The following PLS3 variants were observed in gnomAD, a reference collection of about 807,000 sequenced individuals.
PLS3 encodes plastin-3.
PLS3 carries 11 observed loss-of-function variants against 46.5 expected under a neutral mutation model. The ratio of observed to expected loss-of-function variants is 0.24; its 90% CI spans 0.15 to 0.39. The LOEUF (loss-of-function observed/expected upper bound fraction) is 0.39. Ranked by LOEUF, PLS3 falls within the 10% of genes least tolerant of loss-of-function variation. The pLI is 1.00. For synonymous variants in PLS3, 167 were observed against 162.2 expected (o/e 1.03, Z -0.22); for missense variants, 308 against 461.8 (o/e 0.67, Z 3.05).
At chrX:115,601,081 G>A (rs186082442) in intron 1 of PLS3, among the ~76,000 whole-genome samples, 7 of 110,571 alleles carry the variant, frequency 6.3e-5, no homozygotes, top group Admixed American at 3.9e-4. Context: ...TCTTGGGTGC[G>A]GACAATCTGA....
chrX:115,640,353 G>A (rs1345807393), intron 8 of PLS3, 55 bp from the exon 9 acceptor site: 1 of 797,134 alleles, frequency 1.3e-6, no homozygotes, highest in African/African-American at 2.0e-5. Flanking sequence ...TGGGACAATA[G>A]GATACATTCA....
At chrX:115,613,942 AT>A (rs1279504973) in intron 2 of PLS3, among the ~76,000 whole-genome samples, 2 of 107,706 alleles carry the variant, frequency 1.9e-5, no homozygotes, top group African/African-American at 3.3e-5. Context: ...GAATTTTTTT[AT>A]TTTTTTATTT....
At chrX:115,631,432 G>C (rs2074774662) in intron 5 of PLS3, among the ~76,000 whole-genome samples, 1 of 110,032 alleles carries the variant, frequency 9.1e-6, no homozygotes, top group African/African-American at 3.3e-5. Flanking sequence ...TTGGTTGTTT[G>C]AAAAGCTGAT....
At chrX:115,624,161 G>A (rs1484154434) in intron 3 of PLS3, among the ~76,000 whole-genome samples, 1 of 105,340 alleles carries the variant, frequency 9.5e-6, no homozygotes, top group Admixed American at 1.0e-4. Flanking sequence ...CCAGGGAGTC[G>A]GAGGTTGCAG....
chrX:115,584,048 C>G (rs782272272), intron 1 of PLS3, among the ~76,000 whole-genome samples: 6 of 111,727 alleles, frequency 5.4e-5, no homozygotes, highest in Non-Finnish European at 1.1e-4. Context: ...GAAGATGTAA[C>G]CACCATGTGT....
At chrX:115,614,621 T>C (rs782274187) in intron 2 of PLS3, 1 of 597,790 alleles carries the variant, frequency 1.7e-6, no homozygotes, top group Non-Finnish European at 2.0e-6. Flanking sequence ...TAATGCCTAA[T>C]GAAAGCTTGA....
intron 2 of PLS3, 37 bp from the exon 3 acceptor site, chrX:115,622,209 T>A (rs2074662704): frequency 8.8e-7 from 1 of 1,141,302 alleles, no homozygotes; most frequent in African/African-American, 1.8e-5. Flanking sequence ...TCTTTCAATT[T>A]TTTTTCCTTT....
chrX:115,593,086 T>C (rs1230933774), intron 1 of PLS3, among the ~76,000 whole-genome samples: 2 of 111,132 alleles, frequency 1.8e-5, no homozygotes, highest in Non-Finnish European at 3.8e-5. Flanking sequence ...GCATATGGGG[T>C]GTAAATGTTG....
At chrX:115,646,341 A>G (rs2147586292) in intron 12 of PLS3, 61 bp from the exon 13 acceptor site, 1 of 1,126,521 alleles carries the variant, frequency 8.9e-7, no homozygotes, top group Non-Finnish European at 1.2e-6. Flanking sequence ...CAAGACACAC[A>G]CACACGTATG....
chrX:115,603,135 G>A (rs782392781), intron 1 of PLS3, among the ~76,000 whole-genome samples: 77 of 111,496 alleles, frequency 6.9e-4, no homozygotes, highest in Non-Finnish European at 1.2e-3. Flanking sequence ...TAGGGTTTAT[G>A]TATAGTTAAA....
At chrX:115,639,254 A>G (rs782785827) in intron 8 of PLS3, among the ~76,000 whole-genome samples, 4 of 112,007 alleles carry the variant, frequency 3.6e-5, no homozygotes, top group Non-Finnish European at 7.5e-5. Context: ...ACTATTCCTT[A>G]AGAGGTAAAT....
intron 1 of PLS3, chrX:115,593,505 G>A (rs1556633400): frequency 9.0e-6 from 1 of 111,315 alleles, no homozygotes; most frequent in Non-Finnish European, 1.9e-5. Context: ...AGGAAGTGTT[G>A]TGACTTGCTC....
intron 10 of PLS3, among the ~76,000 whole-genome samples, chrX:115,644,566 C>T (rs2074931388): frequency 9.2e-6 from 1 of 108,915 alleles, no homozygotes; most frequent in South Asian, 3.9e-4. Flanking sequence ...CATTGCACTC[C>T]AGCTTAGGCA....
chrX:115,568,058 C>T (rs2074188930), intron 1 of PLS3, among the ~76,000 whole-genome samples: 1 of 111,576 alleles, frequency 9.0e-6, no homozygotes, highest in African/African-American at 3.3e-5. Flanking sequence ...ATGTAATTTT[C>T]AAGCTTTTTT....
At chrX:115,602,114 C>T (rs1434213205) in intron 1 of PLS3, among the ~76,000 whole-genome samples, 6 of 111,440 alleles carry the variant, frequency 5.4e-5, no homozygotes, top group Non-Finnish European at 9.4e-5. Context: ...AGCCTCACCT[C>T]GGAAAAAACT....
intron 3 of PLS3, among the ~76,000 whole-genome samples, chrX:115,623,120 T>C (rs896972055): frequency 9.0e-6 from 1 of 111,655 alleles, no homozygotes; most frequent in Non-Finnish European, 1.9e-5. Flanking sequence ...TATTGGCTGC[T>C]AGCAAGTGAG....
At chrX:115,621,526 A>G (rs2074655089) in intron 2 of PLS3, among the ~76,000 whole-genome samples, 1 of 111,774 alleles carries the variant, frequency 8.9e-6, no homozygotes, top group South Asian at 3.7e-4. Context: ...TTTTCTCAAT[A>G]AATTAACTTT....
intron 7 of PLS3, among the ~76,000 whole-genome samples, chrX:115,636,123 C>A (rs1011049144): frequency 9.0e-6 from 1 of 111,584 alleles, no homozygotes; most frequent in Non-Finnish European, 1.9e-5. Context: ...AATACAAATA[C>A]CACCGTGTTT....
intron 2 of PLS3, among the ~76,000 whole-genome samples, chrX:115,617,901 T>C (rs1465257455): frequency 2.7e-5 from 3 of 111,932 alleles, no homozygotes; most frequent in Non-Finnish European, 1.9e-5. Context: ...AATAGTAATT[T>C]CTCCCTGCGA....
Sources: allele counts gnomAD v4.1 joint callset (sites outside exome capture counted in the v4.1 genomes callset), GRCh38; gene constraint gnomAD v4.1.1; transcripts MANE v1.5; gene names NCBI Gene and HGNC (gene_info 2026-07-23, HGNC 2026-07-21).